The following KIAA1217 variants were observed in gnomAD, a reference collection of about 807,000 sequenced individuals.
KIAA1217 encodes sickle tail protein homolog.
In KIAA1217, 88 loss-of-function variants were observed where a neutral mutation model predicts 163.9. The observed-to-expected ratio is 0.54, with a 90% CI of 0.45 to 0.64. The LOEUF (loss-of-function observed/expected upper bound fraction) is 0.64, where lower values mean the gene tolerates loss of function less well. Ranked by LOEUF, KIAA1217 falls within the 30% of genes least tolerant of loss-of-function variation. KIAA1217 has a pLI of 0.00. For synonymous variants in KIAA1217, 903 were observed against 923.1 expected, an observed-to-expected ratio of 0.98 and a Z score of 0.39; for missense variants, 2,372 against 2,475.0, an observed-to-expected ratio of 0.96 and a Z score of 0.88.
At chr10:23,727,550 ACT>A (rs1299100908) in intron 1 of KIAA1217, among the ~76,000 whole-genome samples, 1 of 151,966 alleles carries the variant, frequency 6.6e-6, no homozygotes, top group Non-Finnish European at 1.5e-5. Context: ...ACAGAATGAG[ACT>A]CTGTCTCAAA....
chr10:24,202,396 G>C (rs536309032), intron 2 of KIAA1217, among the ~76,000 whole-genome samples: 1 of 152,044 alleles, frequency 6.6e-6, no homozygotes, highest in East Asian at 1.9e-4. Flanking sequence ...GGGAGAGAGC[G>C]GTCAGGAAAC....
intron 6 of KIAA1217, among the ~76,000 whole-genome samples, chr10:24,476,502 G>A (rs1376947990): frequency 6.6e-6 from 1 of 152,046 alleles, no homozygotes. Context: ...AACCTTTTTA[G>A]AAAATCCAAA....
chr10:24,259,185 G>C lies in KIAA1217; in HGVS notation c.354+39276G>C, dbSNP rs538828087. Among the ~76,000 whole-genome samples, 3 of 152,162 alleles carry C rather than the reference G, an allele frequency of 2.0e-5. No individual in the cohort carries two copies. In the South Asian group the frequency reaches 6.2e-4, roughly 32 times the overall value. On this transcript the variant is annotated intron_variant, in intron 2 of 20. Coordinates refer to ENST00000376454, the MANE Select transcript of KIAA1217 (RefSeq NM_019590.5). ...GGTCTGCCTTTGTGTCTGTTTGTGA[G>C]CGTGTCTACTCAAGTAGGAAAGGGG... is the stretch of plus-strand genomic sequence containing the variant.
intron 12 of KIAA1217, 42 bp downstream of exon 12, chr10:24,521,971 G>T (rs767216978): frequency 6.3e-7 from 1 of 1,583,372 alleles, no homozygotes; most frequent in Non-Finnish European, 8.6e-7. Flanking sequence ...CTGCGGAGGG[G>T]TGCACTGGGA....
intron 1 of KIAA1217, among the ~76,000 whole-genome samples, chr10:23,777,955 T>G (rs1445505098): frequency 6.7e-6 from 1 of 150,244 alleles, no homozygotes; most frequent in Non-Finnish European, 1.5e-5. Flanking sequence ...TTTCTTTTTC[T>G]TTTTTGAGAT....
chr10:24,496,554 T>A (rs2066810856), intron 8 of KIAA1217, among the ~76,000 whole-genome samples: 1 of 152,184 alleles, frequency 6.6e-6, no homozygotes, highest in Non-Finnish European at 1.5e-5. Context: ...TCTTTTTGCT[T>A]TATAGAGAAG....
At chr10:24,511,440 C>T (rs1048676115) in intron 9 of KIAA1217, among the ~76,000 whole-genome samples, 3 of 152,018 alleles carry the variant, frequency 2.0e-5, no homozygotes, top group Non-Finnish European at 4.4e-5. Context: ...GTCAGGAGTT[C>T]GAGACCTGCC....
At chr10:24,011,925 T>C (rs2131492146) in intron 2 of KIAA1217, among the ~76,000 whole-genome samples, 1 of 152,308 alleles carries the variant, frequency 6.6e-6, no homozygotes, top group Middle Eastern at 3.4e-3. Flanking sequence ...AGATGTTTCA[T>C]GTGGATTTTC....
chr10:24,495,577 A>C (rs944159417), intron 8 of KIAA1217, among the ~76,000 whole-genome samples: 1 of 152,248 alleles, frequency 6.6e-6, no homozygotes, highest in African/African-American at 2.4e-5. Flanking sequence ...ACTAGCCTAT[A>C]CCAAGGGCAG....
intron 2 of KIAA1217, among the ~76,000 whole-genome samples, chr10:24,377,852 T>TG (rs768479957): frequency 8.5e-5 from 13 of 152,166 alleles, no homozygotes; most frequent in Non-Finnish European, 1.9e-4. Context: ...TTAGAATTGG[T>TG]GTTGGTCAGC....
chr10:24,446,495 G>T (rs939638516), intron 5 of KIAA1217, among the ~76,000 whole-genome samples: 3 of 152,124 alleles, frequency 2.0e-5, no homozygotes, highest in Admixed American at 6.6e-5. Flanking sequence ...TTCTCACAGG[G>T]CAGTGTTCTT....
At chr10:24,429,522 G>A (rs756519924) in intron 3 of KIAA1217, among the ~76,000 whole-genome samples, 1 of 151,798 alleles carries the variant, frequency 6.6e-6, no homozygotes, top group Non-Finnish European at 1.5e-5. Flanking sequence ...TTTTTTCGGA[G>A]GGGAGGTGGC....
At chr10:24,322,214 A>T (rs1182136068) in intron 2 of KIAA1217, among the ~76,000 whole-genome samples, 4 of 152,132 alleles carry the variant, frequency 2.6e-5, no homozygotes, top group Admixed American at 2.6e-4. Flanking sequence ...TCAGCCTCCC[A>T]AAGTGCTGGG....
rs192979218 is a variant in KIAA1217 at position 24,545,521 on chromosome 10, C to G, written c.5335-306C>G. 1.6e-3 allele frequency: 2,038 copies of G among 1,307,712 alleles called. 2 individuals carry two copies. The highest frequency in any genetic ancestry group is 1.8e-3 in the Non-Finnish European group (1,858 of 1,031,162). 81.0% of individuals were successfully genotyped at this position (1,307,712 alleles called of 1,614,324 possible). A position where few individuals can be genotyped will look rare whatever the true frequency, so the allele number is the denominator to read the frequency against. ...TAACACTCCGTCACAATGCCCGACC[C>G]CCACCCCAGTAATTATCCAGACGCA... On this transcript the variant is annotated intron_variant, in intron 20 of 20. Transcript: ENST00000376454.
At chr10:24,387,861 C>G (rs1043795107) in intron 3 of KIAA1217, among the ~76,000 whole-genome samples, 3 of 151,800 alleles carry the variant, frequency 2.0e-5, no homozygotes, top group African/African-American at 4.9e-5. Context: ...TGTGAAGGAC[C>G]TCTTCAAGGA....
chr10:23,849,368 G>A (rs1030384504), intron 1 of KIAA1217, among the ~76,000 whole-genome samples: 1 of 152,008 alleles, frequency 6.6e-6, no homozygotes, highest in East Asian at 1.9e-4. Flanking sequence ...GCTAGTTCTG[G>A]TGAAAAGTTC....
chr10:24,414,358 T>C (rs1195718627), intron 3 of KIAA1217, among the ~76,000 whole-genome samples: 2 of 152,216 alleles, frequency 1.3e-5, no homozygotes, highest in African/African-American at 4.8e-5. Flanking sequence ...GCACAGATGC[T>C]GGTAAGGGAA....
chr10:24,190,719 A>T (rs1297816045), intron 2 of KIAA1217, among the ~76,000 whole-genome samples: 1 of 152,128 alleles, frequency 6.6e-6, no homozygotes, highest in Non-Finnish European at 1.5e-5. Context: ...TTTTCTTAAC[A>T]CCTTTCCATC....
intron 1 of KIAA1217, among the ~76,000 whole-genome samples, chr10:23,948,264 C>G (rs1194793886): frequency 2.0e-5 from 3 of 152,070 alleles, no homozygotes; most frequent in African/African-American, 7.2e-5. Flanking sequence ...TATTATAGTA[C>G]CAACCGCATA....
Sources: allele counts gnomAD v4.1 joint callset (sites outside exome capture counted in the v4.1 genomes callset), GRCh38; gene constraint gnomAD v4.1.1; transcripts MANE v1.5; gene names NCBI Gene and HGNC (gene_info 2026-07-23, HGNC 2026-07-21).